Variants in ADAMTSL1 observed in about 807,000 individuals in gnomAD.
The protein encoded by ADAMTSL1 is ADAMTS like 1.
ADAMTSL1 carries 126 observed loss-of-function variants against 201.8 expected under a neutral mutation model. The observed-to-expected ratio is 0.62, with a 90% CI of 0.54 to 0.72. The LOEUF (loss-of-function observed/expected upper bound fraction) is 0.72. Ranked by LOEUF, ADAMTSL1 falls within the 30% of genes least tolerant of loss-of-function variation. The pLI, the probability that ADAMTSL1 is intolerant of heterozygous loss-of-function variation, is 0.00. For missense variants in ADAMTSL1, 2,679 were observed against 2,277.8 expected (o/e 1.18, Z -3.59); for synonymous variants, 1,121 against 903.4 (o/e 1.24, Z -4.32).
At chr9:18,371,441 A>G (rs1169247526) in intron 2 of ADAMTSL1, among the ~76,000 whole-genome samples, 1 of 152,158 alleles carries the variant, frequency 6.6e-6, no homozygotes, top group African/African-American at 2.4e-5. Flanking sequence ...TAGACACAAG[A>G]GGGAGGTCTT....
chr9:18,684,615 G>A, intron 12 of ADAMTSL1, 101 bp from the exon 13 acceptor site: 1 of 1,315,696 alleles, frequency 7.6e-7, no homozygotes, highest in Non-Finnish European at 1.0e-6. Flanking sequence ...ATTCGTGTTG[G>A]TCAACGTAGT....
chr9:18,690,406 G>A (rs963921659), intron 13 of ADAMTSL1, among the ~76,000 whole-genome samples: 1 of 152,010 alleles, frequency 6.6e-6, no homozygotes, highest in Non-Finnish European at 1.5e-5. Context: ...AAAATGTAGT[G>A]AACCAAACAT....
In ADAMTSL1 at chr9:18,283,956, T is replaced by TGTGGTG. The variant is rs1832897718; in HGVS notation, c.207+119977_207+119982dup. Among the ~76,000 whole-genome samples the TGTGGTG allele has an allele frequency of 2.7e-5, 3 of 112,372 alleles. No homozygotes were observed. The South Asian group carries it at 8.8e-4, about 33-fold the overall frequency. The allele number at this position is 112,372 out of a possible 152,430, so 73.7% of individuals were successfully genotyped here. A position where few individuals can be genotyped will look rare whatever the true frequency, so the allele number is the denominator to read the frequency against. On this transcript the variant is annotated intron_variant, in intron 2 of 29. Transcript: ENST00000680146. ...GAAGAAGAAGAAGAAGAAGGCTGGGTGTGGTGGCTCACACCTGTAATCCCA... is the reference window on the plus strand; with the variant it reads ...GAAGAAGAAGAAGAAGAAGGCTGGGTGTGGTGGTGGTGGCTCACACCTGTAATCCCA...
At chr9:18,827,412 G>A (rs529972376) in intron 22 of ADAMTSL1, among the ~76,000 whole-genome samples, 7 of 151,496 alleles carry the variant, frequency 4.6e-5, no homozygotes, top group Non-Finnish European at 1.0e-4. Context: ...CCAACACATA[G>A]GTCCTTCTAG....
chr9:18,030,031 G>T (rs1820876852), intron 1 of ADAMTSL1, among the ~76,000 whole-genome samples: 1 of 152,034 alleles, frequency 6.6e-6, no homozygotes, highest in African/African-American at 2.4e-5. Context: ...ATTTGACCCA[G>T]CCATCCCATT....
intron 5 of ADAMTSL1, among the ~76,000 whole-genome samples, chr9:18,623,650 A>G (rs1011343061): frequency 1.3e-5 from 2 of 152,256 alleles, no homozygotes; most frequent in African/African-American, 4.8e-5. Context: ...GAGGCATTTT[A>G]TGATACACAG....
intron 1 of ADAMTSL1, among the ~76,000 whole-genome samples, chr9:18,492,841 G>A (rs1822333040): frequency 6.6e-6 from 1 of 152,184 alleles, no homozygotes; most frequent in Admixed American, 6.5e-5. Flanking sequence ...AAATACCACA[G>A]CAGCAAAGTC....
chr9:18,663,772 A>C (rs1379832735), intron 9 of ADAMTSL1, among the ~76,000 whole-genome samples: 1 of 152,162 alleles, frequency 6.6e-6, no homozygotes, highest in Non-Finnish European at 1.5e-5. Context: ...ATGTGAAATA[A>C]AAGCATTTTG....
chr9:18,807,213 G>A (rs574494476), intron 20 of ADAMTSL1, among the ~76,000 whole-genome samples: 2 of 152,150 alleles, frequency 1.3e-5, no homozygotes, highest in African/African-American at 4.8e-5. Context: ...CCTTCTGTTT[G>A]TATGGCTCTC....
intron 1 of ADAMTSL1, among the ~76,000 whole-genome samples, chr9:18,010,975 A>C (rs968406923): frequency 4.6e-5 from 7 of 152,122 alleles, no homozygotes; most frequent in Non-Finnish European, 5.9e-5. Flanking sequence ...TAAATTCTAT[A>C]ATTTCATTAG....
intron 1 of ADAMTSL1, among the ~76,000 whole-genome samples, chr9:17,914,115 C>T (rs544857163): frequency 6.6e-6 from 1 of 152,192 alleles, no homozygotes; most frequent in Non-Finnish European, 1.5e-5. Flanking sequence ...GGTACCATTC[C>T]TTCTGAAACT....
At chr9:18,616,669 A>G (rs1403815024) in intron 4 of ADAMTSL1, among the ~76,000 whole-genome samples, 4 of 151,690 alleles carry the variant, frequency 2.6e-5, no homozygotes, top group Non-Finnish European at 2.9e-5. Flanking sequence ...TCCAGATGTG[A>G]CCTCCCCCCA....
At chr9:17,922,393 C>A (rs1826341051) in intron 1 of ADAMTSL1, among the ~76,000 whole-genome samples, 1 of 152,088 alleles carries the variant, frequency 6.6e-6, no homozygotes, top group Non-Finnish European at 1.5e-5. Context: ...CCAGAGGTCA[C>A]TGAAGAATAG....
chr9:18,681,702 GGGGGGGGC>G, intron 11 of ADAMTSL1, 102 bp from the exon 12 acceptor site: 1 of 507,914 alleles, frequency 2.0e-6, no homozygotes, highest in Non-Finnish European at 2.9e-6. Context: ...TCGTGTGGGG[GGGGGGGGC>G]GGGGAAAAAG....
intron 2 of ADAMTSL1, among the ~76,000 whole-genome samples, chr9:18,467,870 A>T (rs1336254411): frequency 6.6e-6 from 1 of 151,966 alleles, no homozygotes. Context: ...TTTCAATCCC[A>T]CTCTCTGTAT....
At chr9:18,259,227 G>A (rs1014574851) in intron 2 of ADAMTSL1, among the ~76,000 whole-genome samples, 1 of 152,136 alleles carries the variant, frequency 6.6e-6, no homozygotes, top group African/African-American at 2.4e-5. Flanking sequence ...GGAATGAAAG[G>A]CCCATATAGC....
intron 1 of ADAMTSL1, 58 bp downstream of exon 1, chr9:18,474,353 G>T: frequency 6.4e-7 from 1 of 1,560,558 alleles, no homozygotes. Context: ...GTGCTGTTGG[G>T]GGTGTGTGTG....
At chr9:18,019,280 T>C (rs1563952154) in intron 1 of ADAMTSL1, among the ~76,000 whole-genome samples, 2 of 152,084 alleles carry the variant, frequency 1.3e-5, no homozygotes, top group East Asian at 3.9e-4. Flanking sequence ...GGAAGGATTG[T>C]TAAACGAAAA....
At chr9:18,762,206 G>A (rs1009726588) in intron 16 of ADAMTSL1, among the ~76,000 whole-genome samples, 1 of 152,106 alleles carries the variant, frequency 6.6e-6, no homozygotes, top group African/African-American at 2.4e-5. Flanking sequence ...ATGCAGGGAG[G>A]GAGAGGAAAA....
Sources: gnomAD v4.1 joint callset for allele counts (sites outside exome capture counted in the v4.1 genomes callset) on GRCh38, gnomAD v4.1.1 for gene constraint, MANE v1.5 for transcripts, NCBI Gene and HGNC (gene_info 2026-07-23, HGNC 2026-07-21) for gene names.